Variants in CELSR1 observed in about 807,000 individuals in gnomAD.
CELSR1 encodes adhesion G protein-coupled receptor C1.
CELSR1 carries 110 observed loss-of-function variants against 249.1 expected under a neutral mutation model. That is an observed-to-expected ratio of 0.44 (90% CI 0.38 to 0.52). CELSR1 has a LOEUF of 0.52. Ranked by LOEUF, CELSR1 falls within the 20% of genes least tolerant of loss-of-function variation. The pLI is 0.00. For missense variants in CELSR1, 4,109 were observed against 4,296.4 expected (o/e 0.96, Z 1.22); for synonymous variants, 2,113 against 1,900.0 (o/e 1.11, Z -2.92).
Position 46,362,713 on chromosome 22 carries a change from T to C in CELSR1, c.*510A>G, listed in dbSNP as rs1208230457. The C allele has an allele frequency of 5.8e-6, 1 of 172,640 alleles. No homozygotes were observed. Among genetic ancestry groups the C allele is most frequent in the East Asian group, 1.5e-4 (1 of 6,746 alleles). The allele number at this position is 172,640 out of a possible 1,614,324, so 10.7% of individuals were successfully genotyped here. On this transcript the variant is annotated 3_prime_UTR_variant, in exon 35 of 35. Transcript: ENST00000674500. ...AGTCCCATACAAATATATAAAAGTA[T>C]CTCCACCTTTCCCACATAGCGAAGT...
At position 46,464,083 on chromosome 22, in the gene CELSR1, G is replaced by A. The variant is rs148297929; in HGVS notation, c.3807C>T (p.Gly1269=). ...CCGACGGGAAGAACTGGCCGCGGACGCCGCCAGGCAGCAGCGCCGAGAAGG... is the reference window on the plus strand; with the variant it reads ...CCGACGGGAAGAACTGGCCGCGGACACCGCCAGGCAGCAGCGCCGAGAAGG... ...NVTFSALLPG[G]VRGQFFPSED... The change falls in exon 2 of 35, where the codon GGC becomes GGT. Residue 1269 remains glycine (G), a synonymous_variant. Transcript: ENST00000674500. The surrounding 1 kb of genome is among the most constrained non-coding windows in gnomAD (Gnocchi z 8.5). 136 of 1,613,790 alleles carry A rather than the reference G, an allele frequency of 8.4e-5. 1 individual carries two copies. The African/African-American group carries it at 1.3e-3, about 16-fold the overall frequency.
intron 9 of CELSR1, among the ~76,000 whole-genome samples, chr22:46,404,494 CTA>C (rs1475791282): frequency 6.6e-6 from 1 of 152,076 alleles, no homozygotes; most frequent in Non-Finnish European, 1.5e-5. Flanking sequence ...TCACATCAGT[CTA>C]AGATAAATTC....
At chr22:46,501,010 ATTTTATTTTATT>A (rs143050007) in intron 1 of CELSR1, among the ~76,000 whole-genome samples, 7,191 of 151,368 alleles carry the variant, frequency 0.048, 569 homozygotes, top group African/African-American at 0.16. Context: ...TTATTTATTT[ATTTTATTTTATT>A]TTTTATTTTA....
In CELSR1 at chr22:46,535,157, T is replaced by C; in HGVS notation, c.2014A>G (p.Ser672Gly). Residue 672 changes from serine to glycine, a missense_variant, in exon 1 of 35, where the codon AGC becomes GGC. Around this residue, in one of 7 missense-constraint regions of CELSR1, gnomAD observed 886 missense variants for 896.5 expected, o/e 0.99. Coordinates refer to ENST00000674500, the MANE Select transcript of CELSR1 (RefSeq NM_001378328.1). ...HGSPPMSSST[S>G]VSITVLDVND... ...ACGTCCAGCACCGTGATGGACACGC[T>C]GGTGGAGGAGCTCATGGGGGGCGAG... 1 of 1,610,006 alleles carries C rather than the reference T, an allele frequency of 6.2e-7. No individual in the cohort carries two copies. The highest frequency in any genetic ancestry group is 8.5e-7 in the Non-Finnish European group (1 of 1,179,700).
intron 1 of CELSR1, among the ~76,000 whole-genome samples, chr22:46,522,531 G>C (rs914543174): frequency 4.6e-5 from 7 of 152,098 alleles, no homozygotes; most frequent in Admixed American, 2.0e-4. Context: ...TAATTCCATT[G>C]TTTTCTTGTT....
rs1485669385 is a variant in CELSR1, at chr22:46,414,312, C to T, written c.4612-2553G>A. 4.6e-5 allele frequency among the ~76,000 whole-genome samples: 7 copies of T among 152,250 alleles called. No homozygotes were observed. The Middle Eastern group carries it at 0.01, about 222-fold the overall frequency. On this transcript the variant is annotated intron_variant, in intron 5 of 34. Coordinates refer to ENST00000674500, the MANE Select transcript of CELSR1 (RefSeq NM_001378328.1). The stretch of plus-strand genomic sequence containing the variant: ...GGGTCAAAAGTAACAGCACTTTTGG[C>T]GAAAGAGCCGAATGTTCTCAGGTGG...
chr22:46,369,237 G>A lies in CELSR1; in HGVS notation c.7894C>T (p.Leu2632=), dbSNP rs148139314. 2.0e-5 allele frequency: 33 copies of A among 1,613,762 alleles called. No individual in the cohort carries two copies. The highest frequency in any genetic ancestry group is 2.6e-5 in the Non-Finnish European group (31 of 1,179,948). The change falls in exon 27 of 35, where the codon CTA becomes TTA. Residue 2632 remains leucine, a synonymous_variant. Transcript: ENST00000674500. ...CTTTGGCAGGAAACCTTTGCAGATA[G>A]GACAGAAGTGACTGTGTTGATCTGA... The part of the protein sequence containing the change: ...VIIINTVTSV[L]SAKVSCQRKH...
At chr22:46,424,828 C>T (rs184543532) in intron 5 of CELSR1, among the ~76,000 whole-genome samples, 10 of 152,210 alleles carry the variant, frequency 6.6e-5, no homozygotes, top group Middle Eastern at 3.4e-3. Flanking sequence ...CAAAATTAGC[C>T]GAGCATGGTG....
rs56007144 is a variant in CELSR1 at position 46,511,176 on chromosome 22, C to A, written c.3544+22451G>T. On this transcript the variant is annotated intron_variant, in intron 1 of 34. Coordinates refer to ENST00000674500, the MANE Select transcript of CELSR1 (RefSeq NM_001378328.1). Reference sequence around the variant, plus strand: ...GTGCTGGTTTTCTTCACATTATAGACCCTTGGCAGTTTTTCTGGTTTTGTT... The same window carrying A: ...GTGCTGGTTTTCTTCACATTATAGAACCTTGGCAGTTTTTCTGGTTTTGTT... Among the ~76,000 whole-genome samples, 1,291 of 152,232 alleles carry A rather than the reference C, an allele frequency of 8.5e-3. 16 individuals are homozygous for A. The highest frequency in any genetic ancestry group is 0.03 in the African/African-American group (1,245 of 41,528).
In CELSR1 at chr22:46,491,144, T is replaced by C. The variant is rs113461301; in HGVS notation, c.3545-26799A>G. On this transcript the variant is annotated intron_variant, in intron 1 of 34. Transcript: ENST00000674500. ...CCCACCTCCACCTACCAGATGCCAG[T>C]AGCACCGCCCTCCATACTGTGACAA... Among the ~76,000 whole-genome samples, 405 of 151,788 alleles carry C rather than the reference T, an allele frequency of 2.7e-3. 1 individual carries two copies. Among genetic ancestry groups the C allele is most frequent in the African/African-American group, 9.2e-3 (381 of 41,314 alleles).
Position 46,365,390 on chromosome 22 carries a change from C to T in CELSR1, c.8405-10G>A, listed in dbSNP as rs530043926. 54 of 1,612,034 alleles carry T rather than the reference C, an allele frequency of 3.3e-5. No individual in the cohort carries two copies. The highest frequency in any genetic ancestry group is 1.9e-4 in the African/African-American group (14 of 75,050). On this transcript the variant is annotated splice_polypyrimidine_tract_variant and intron_variant, in intron 31 of 34. Coordinates refer to ENST00000674500, the MANE Select transcript of CELSR1 (RefSeq NM_001378328.1). Reference sequence around the variant, plus strand: ...GAGTCGGAATCGTGGCCTGTGGATGCGCGGGGGACAGGGAGGCTCAGGCCC... The same window carrying T: ...GAGTCGGAATCGTGGCCTGTGGATGTGCGGGGGACAGGGAGGCTCAGGCCC...
chr22:46,495,764 G>A (rs927974534), intron 1 of CELSR1, among the ~76,000 whole-genome samples: 6 of 152,084 alleles, frequency 3.9e-5, no homozygotes, highest in Non-Finnish European at 7.4e-5. Context: ...GCAGTGAGCC[G>A]AGATCGTGCC....
intron 1 of CELSR1, among the ~76,000 whole-genome samples, chr22:46,530,103 G>C (rs961044509): frequency 4.0e-5 from 6 of 151,738 alleles, no homozygotes; most frequent in African/African-American, 1.5e-4. Context: ...TGAGCTCAGA[G>C]GTTGGAGACC....
rs183259083 is a variant in CELSR1, at chr22:46,436,515, C to T, written c.4407-226G>A. 1.3e-3 allele frequency among the ~76,000 whole-genome samples: 191 copies of T among 152,312 alleles called. No homozygotes were observed. Among genetic ancestry groups the T allele is most frequent in the Non-Finnish European group, 1.5e-3 (104 of 68,040 alleles). ...CCAGAATCCATGGGGAGTCTGGTTA[C>T]TACGGCCTGTAGAATGCAAAAAATA... is the stretch of plus-strand genomic sequence containing the variant. On this transcript the variant is annotated intron_variant, in intron 3 of 34. Coordinates refer to ENST00000674500, the MANE Select transcript of CELSR1 (RefSeq NM_001378328.1). The surrounding 1 kb of genome is among the most constrained non-coding windows in gnomAD (Gnocchi z 5.9).
At chr22:46,439,956 A>G (rs1165831021) in intron 2 of CELSR1, among the ~76,000 whole-genome samples, 1 of 149,778 alleles carries the variant, frequency 6.7e-6, no homozygotes, top group Non-Finnish European at 1.5e-5. Flanking sequence ...GACCCCTCGC[A>G]CTGTCTGGCC....
At chr22:46,414,787 T>C (rs1248499930) in intron 5 of CELSR1, among the ~76,000 whole-genome samples, 4 of 152,200 alleles carry the variant, frequency 2.6e-5, no homozygotes, top group Non-Finnish European at 5.9e-5. Context: ...CCCAGGCGTG[T>C]ACCCAAAAGA....
chr22:46,478,970 G>C (rs1264791409), intron 1 of CELSR1, among the ~76,000 whole-genome samples: 1 of 151,902 alleles, frequency 6.6e-6, no homozygotes, highest in Non-Finnish European at 1.5e-5. Flanking sequence ...AGTCAGGAAC[G>C]ACCAGGGCCA....
chr22:46,392,351 A>G (rs1308069077), intron 14 of CELSR1, among the ~76,000 whole-genome samples: 1 of 152,128 alleles, frequency 6.6e-6, no homozygotes, highest in African/African-American at 2.4e-5. Context: ...CCCGCCCCGG[A>G]AAACGGGGCA....
In CELSR1 at chr22:46,441,682, C is replaced by T. The variant is rs1308876509; in HGVS notation, c.4184-2271G>A. 6.6e-6 allele frequency among the ~76,000 whole-genome samples: 1 copy of T among 152,094 alleles called. No homozygotes were observed. Among genetic ancestry groups the T allele is most frequent in the Non-Finnish European group, 1.5e-5 (1 of 68,022 alleles). On this transcript the variant is annotated intron_variant, in intron 2 of 34. Coordinates refer to ENST00000674500, the MANE Select transcript of CELSR1 (RefSeq NM_001378328.1). This position sits in a 1 kb window ranked among gnomAD's most constrained non-coding sequence, Gnocchi z 6.1. ...TCCTTACAAGGACTCTAATTGCAGC[C>T]TGGGGGCCCCACCCCATGACCTCAT...
Sources: gnomAD v4.1 joint callset for allele counts (sites outside exome capture counted in the v4.1 genomes callset) on GRCh38, gnomAD v4.1.1 for gene constraint, gnomAD v4.1.1 regional missense constraint, Gnocchi (gnomAD v3.1) non-coding constraint, MANE v1.5 for transcripts, NCBI Gene and HGNC (gene_info 2026-07-23, HGNC 2026-07-21) for gene names.